The following ATP2B1 variants were observed in gnomAD, a reference collection of about 807,000 sequenced individuals.
The protein encoded by ATP2B1 is plasma membrane calcium-transporting ATPase 1.
In ATP2B1, 14 loss-of-function variants were observed where a neutral mutation model predicts 124.2. The observed-to-expected ratio is 0.11, with a 90% CI of 0.07 to 0.18. The LOEUF is 0.18. Ranked by LOEUF, ATP2B1 falls within the 10% of genes least tolerant of loss-of-function variation. The pLI, the probability that ATP2B1 is intolerant of heterozygous loss-of-function variation, is 1.00. For synonymous variants in ATP2B1, 449 were observed against 492.4 expected (o/e 0.91, Z 1.17); for missense variants, 763 against 1,466.1 (o/e 0.52, Z 7.83).
intron 1 of ATP2B1, among the ~76,000 whole-genome samples, chr12:89,703,736 TAA>T (rs1485941796): frequency 6.6e-6 from 1 of 152,166 alleles, no homozygotes; most frequent in Non-Finnish European, 1.5e-5. Context: ...CATACATAGA[TAA>T]CAGAAATATT....
At chr12:89,612,080 T>C (rs1215496862) in intron 12 of ATP2B1, 2 of 152,232 alleles carry the variant, frequency 1.3e-5, no homozygotes, top group Admixed American at 6.5e-5. Flanking sequence ...ATCATGTCTC[T>C]GTTGCTTGTT....
chr12:89,689,402 T>C (rs1384744215), intron 1 of ATP2B1, among the ~76,000 whole-genome samples: 2 of 152,104 alleles, frequency 1.3e-5, no homozygotes, highest in African/African-American at 4.8e-5. Flanking sequence ...AATTTAAACT[T>C]TCTTTGATTC....
At chr12:89,659,492 T>G (rs1327650904) in intron 1 of ATP2B1, among the ~76,000 whole-genome samples, 3 of 152,058 alleles carry the variant, frequency 2.0e-5, no homozygotes, top group African/African-American at 7.2e-5. Flanking sequence ...TGTGAATGGG[T>G]AGGGCCTTAG....
intron 1 of ATP2B1, among the ~76,000 whole-genome samples, chr12:89,674,003 T>C (rs1888311560): frequency 1.3e-5 from 2 of 152,172 alleles, no homozygotes; most frequent in Non-Finnish European, 1.5e-5. Context: ...TCTGAAGAGG[T>C]GAAGACTGAC....
At chr12:89,609,859 T>A (rs1877659599) in intron 15 of ATP2B1, 78 bp downstream of exon 15, 1 of 1,303,604 alleles carries the variant, frequency 7.7e-7, no homozygotes. Flanking sequence ...CCATAGTAAT[T>A]TAGTCAACAA....
At chr12:89,688,973 C>T (rs1890256544) in intron 1 of ATP2B1, among the ~76,000 whole-genome samples, 1 of 152,102 alleles carries the variant, frequency 6.6e-6, no homozygotes, top group African/African-American at 2.4e-5. Flanking sequence ...GAAGCCTCAA[C>T]CTTAGTTGTT....
intron 1 of ATP2B1, among the ~76,000 whole-genome samples, chr12:89,689,998 T>C (rs1038053673): frequency 2.6e-5 from 4 of 152,224 alleles, no homozygotes; most frequent in East Asian, 1.9e-4. Flanking sequence ...TACTTTTCTA[T>C]AGTTTAGGCA....
chr12:89,613,184 T>G (rs541728303), intron 12 of ATP2B1, among the ~76,000 whole-genome samples: 4 of 152,256 alleles, frequency 2.6e-5, no homozygotes, highest in South Asian at 2.1e-4. Flanking sequence ...TTTCACCATG[T>G]TGCCCAGACT....
intron 1 of ATP2B1, among the ~76,000 whole-genome samples, chr12:89,666,223 A>G (rs1212993307): frequency 1.4e-5 from 2 of 146,196 alleles, no homozygotes; most frequent in Admixed American, 6.7e-5. Flanking sequence ...TTAACTCACC[A>G]AAGTGCAAAG....
At chr12:89,629,286 G>A (rs969605138) in intron 6 of ATP2B1, among the ~76,000 whole-genome samples, 5 of 152,114 alleles carry the variant, frequency 3.3e-5, no homozygotes, top group Non-Finnish European at 5.9e-5. Flanking sequence ...TATAATCTCC[G>A]TAAGCCTCAG....
chr12:89,656,164 G>A (rs1448880191), intron 1 of ATP2B1, 57 bp from the exon 2 acceptor site: 4 of 404,714 alleles, frequency 9.9e-6, no homozygotes, highest in African/African-American at 8.2e-5. Flanking sequence ...TATTATGCAT[G>A]TAAGCATATT....
intron 13 of ATP2B1, 36 bp downstream of exon 13, chr12:89,611,157 C>G: frequency 6.5e-7 from 1 of 1,528,258 alleles, no homozygotes; most frequent in Non-Finnish European, 8.8e-7. Context: ...TATTAAACAT[C>G]TGTCAACCAA....
At chr12:89,671,198 C>T (rs912152679) in intron 1 of ATP2B1, among the ~76,000 whole-genome samples, 8 of 152,038 alleles carry the variant, frequency 5.3e-5, no homozygotes, top group Admixed American at 1.3e-4. Flanking sequence ...CAAAATGGAG[C>T]CCAGGACTCA....
chr12:89,654,661 T>A (rs1253138881), intron 2 of ATP2B1, among the ~76,000 whole-genome samples: 1 of 152,180 alleles, frequency 6.6e-6, no homozygotes, highest in African/African-American at 2.4e-5. Context: ...AAAGAATTTT[T>A]AAATATAATT....
chr12:89,698,566 T>C (rs1364768826), intron 1 of ATP2B1, among the ~76,000 whole-genome samples: 8 of 152,172 alleles, frequency 5.3e-5, no homozygotes, highest in Non-Finnish European at 1.5e-5. Context: ...ACTGTGGAAA[T>C]ATATACATGC....
chr12:89,668,640 T>G (rs1382249538), intron 1 of ATP2B1, among the ~76,000 whole-genome samples: 1 of 152,140 alleles, frequency 6.6e-6, no homozygotes, highest in African/African-American at 2.4e-5. Context: ...AGGGATTACT[T>G]TCAAGATGGT....
intron 20 of ATP2B1, among the ~76,000 whole-genome samples, chr12:89,598,065 C>CAAAAAAAAAAAAAAAAAAAAAAAAAA (rs1565797438): frequency 2.0e-5 from 1 of 49,678 alleles, no homozygotes. Context: ...AAAAAAAAAT[C>CAAAAAAAAAAAAAAAAAAAAAAAAAA]AAAGCAAGGC....
intron 1 of ATP2B1, among the ~76,000 whole-genome samples, chr12:89,691,093 T>C: frequency 6.6e-6 from 1 of 152,110 alleles, no homozygotes; most frequent in East Asian, 1.9e-4. Flanking sequence ...GAAAGAGCAG[T>C]GGACTAGAGT....
At position 89,656,080 on chromosome 12, in the gene ATP2B1, C is replaced by G. The variant is rs566964605; in HGVS notation, c.-194G>C. 10 of 537,714 alleles carry G rather than the reference C, an allele frequency of 1.9e-5. No individual in the cohort carries two copies. The highest frequency in any genetic ancestry group is 3.2e-5 in the Non-Finnish European group (10 of 309,626). The allele number at this position is 537,714 out of a possible 1,614,324, so 33.3% of individuals were successfully genotyped here. A position where few individuals can be genotyped will look rare whatever the true frequency, so the allele number is the denominator to read the frequency against. On this transcript the variant is annotated 5_prime_UTR_variant, in exon 2 of 21. Transcript: ENST00000428670. ...TTGACCTTTGGCCCATGACTAGTTT[C>G]TCCATATCAATCATGAGATATACAC...
Sources: gnomAD v4.1 joint callset for allele counts (sites outside exome capture counted in the v4.1 genomes callset) on GRCh38, gnomAD v4.1.1 for gene constraint, MANE v1.5 for transcripts, NCBI Gene and HGNC (gene_info 2026-07-23, HGNC 2026-07-21) for gene names.